Variants in NEMP2 observed in about 807,000 individuals in gnomAD.
NEMP2 encodes UPF0571 transmembrane protein.
Under a neutral mutation model 54.2 loss-of-function variants are expected in NEMP2, and 53 were observed. The observed-to-expected ratio is 0.98, with a 90% confidence interval of 0.78 to 1.23. NEMP2 has a LOEUF of 1.23. Among genes scored for constraint, NEMP2 ranks in the 50% most tolerant of loss-of-function variants. The pLI, the probability that NEMP2 is intolerant of heterozygous loss-of-function variation, is 0.00. For synonymous variants in NEMP2, 197 were observed against 190.3 expected (o/e 1.04, Z -0.29); for missense variants, 455 against 511.3 (o/e 0.89, Z 1.06).
At chr2:190,492,841 T>C in the NEMP2 span, among the ~76,000 whole-genome samples, 2 of 150,936 alleles carry the variant, frequency 1.3e-5, no homozygotes, top group East Asian at 3.9e-4. The surrounding 1 kb of genome is among the most constrained non-coding windows in gnomAD (Gnocchi z 5.2). Context: ...AATTTGCCAC[T>C]CACCACCAAG....
the NEMP2 span, among the ~76,000 whole-genome samples, chr2:190,456,047 TCTC>T: frequency 2.0e-5 from 3 of 147,102 alleles, no homozygotes; most frequent in African/African-American, 5.0e-5. This position sits in a 1 kb window ranked among gnomAD's most constrained non-coding sequence, Gnocchi z 5.4. Context: ...TTCAAGCAGT[TCTC>T]CTGTGTCAGC....
the NEMP2 span, among the ~76,000 whole-genome samples, chr2:190,443,576 T>A: frequency 2.0e-5 from 3 of 152,174 alleles, no homozygotes; most frequent in East Asian, 5.8e-4. This position sits in a 1 kb window ranked among gnomAD's most constrained non-coding sequence, Gnocchi z 4.2. Flanking sequence ...AGTCAAGATG[T>A]TTATGATTTT....
chr2:190,621,711 A>G, the NEMP2 span, among the ~76,000 whole-genome samples: 87 of 152,358 alleles, frequency 5.7e-4, no homozygotes, highest in African/African-American at 2.0e-3. Context: ...TATCAATGGA[A>G]TAGAATTGAG....
At chr2:190,491,514 G>A in the NEMP2 span, among the ~76,000 whole-genome samples, 3 of 152,172 alleles carry the variant, frequency 2.0e-5, no homozygotes, top group African/African-American at 7.2e-5. The surrounding 1 kb of genome is among the most constrained non-coding windows in gnomAD (Gnocchi z 4.2). Context: ...GTACCAGCCT[G>A]GAGCCTGGTA....
At chr2:190,612,783 A>C in the NEMP2 span, among the ~76,000 whole-genome samples, 3 of 152,148 alleles carry the variant, frequency 2.0e-5, no homozygotes, top group Non-Finnish European at 1.5e-5. Flanking sequence ...CTTACTTTAT[A>C]TCTCTCTTAT....
At chr2:190,591,085 C>CA in the NEMP2 span, among the ~76,000 whole-genome samples, 2 of 151,922 alleles carry the variant, frequency 1.3e-5, no homozygotes, top group South Asian at 4.2e-4. The surrounding 1 kb of genome is among the most constrained non-coding windows in gnomAD (Gnocchi z 5.4). Flanking sequence ...AACATTTTGA[C>CA]AAAAAAAGGA....
the NEMP2 span, among the ~76,000 whole-genome samples, chr2:190,459,364 T>G: frequency 6.6e-6 from 1 of 152,218 alleles, no homozygotes; most frequent in Non-Finnish European, 1.5e-5. The surrounding 1 kb of genome is among the most constrained non-coding windows in gnomAD (Gnocchi z 5.3). Flanking sequence ...GAGGCCTTTT[T>G]AAAATTAACG....
At position 190,529,469 on chromosome 2, in the gene NEMP2, A is replaced by G. The variant is rs913581021; in HGVS notation, c.98-4091T>C. Among the ~76,000 whole-genome samples, 28 of 152,152 alleles carry G rather than the reference A, an allele frequency of 1.8e-4. No individual in the cohort carries two copies. The highest frequency in any genetic ancestry group is 6.0e-4 in the African/African-American group (25 of 41,422). ...GAGCTCATCCCTTCCAATCACTGAT[A>G]TACTCTATCAAACACTCCCTTCTCA... On this transcript the variant is annotated intron_variant, in intron 1 of 8. Coordinates refer to ENST00000409150, the MANE Select transcript of NEMP2 (RefSeq NM_001142645.2). This position sits in a 1 kb window ranked among gnomAD's most constrained non-coding sequence, Gnocchi z 4.7.
chr2:190,436,653 C>A, the NEMP2 span: 1 of 1,614,180 alleles, frequency 6.2e-7, no homozygotes, highest in Non-Finnish European at 8.5e-7. This position sits in a 1 kb window ranked among gnomAD's most constrained non-coding sequence, Gnocchi z 5.3. Context: ...GGCTCAATGT[C>A]TCAGACACCG....
chr2:190,622,341 G>A, the NEMP2 span, among the ~76,000 whole-genome samples: 3 of 151,714 alleles, frequency 2.0e-5, no homozygotes, highest in Non-Finnish European at 4.4e-5. Context: ...CCAGGAGGCC[G>A]AGGTTGCAGT....
At chr2:190,560,205 G>A in the NEMP2 span, among the ~76,000 whole-genome samples, 2 of 152,184 alleles carry the variant, frequency 1.3e-5, no homozygotes, top group African/African-American at 2.4e-5. This position sits in a 1 kb window ranked among gnomAD's most constrained non-coding sequence, Gnocchi z 5.4. Flanking sequence ...GTAGGAGCCC[G>A]TGGGTGGGAG....
chr2:190,471,264 G>A, the NEMP2 span, among the ~76,000 whole-genome samples: 4 of 152,160 alleles, frequency 2.6e-5, no homozygotes, highest in South Asian at 2.1e-4. The surrounding 1 kb of genome is among the most constrained non-coding windows in gnomAD (Gnocchi z 4.7). Flanking sequence ...GGTGCAGCGC[G>A]GTGAGCGTGA....
the NEMP2 span, chr2:190,609,892 A>T: frequency 1.2e-4 from 18 of 152,302 alleles, no homozygotes; most frequent in East Asian, 1.5e-3. This position sits in a 1 kb window ranked among gnomAD's most constrained non-coding sequence, Gnocchi z 4.7. Flanking sequence ...CTAGAATAGT[A>T]TGCAACAGCA....
At position 190,525,388 on chromosome 2, in the gene NEMP2, G is replaced by T; in HGVS notation, c.98-10C>A. The stretch of plus-strand genomic sequence containing the variant: ...GCTTTACACCTACGAACTGAGAGAT[G>T]GAAAAGGGAATGCATTTTCTAACTG... On this transcript the variant is annotated splice_polypyrimidine_tract_variant and intron_variant, in intron 1 of 8. Transcript: ENST00000409150. This position sits in a 1 kb window ranked among gnomAD's most constrained non-coding sequence, Gnocchi z 5.0. 6.9e-7 allele frequency: 1 copy of T among 1,449,552 alleles called. No homozygotes were observed. Among genetic ancestry groups the T allele is most frequent in the Non-Finnish European group, 9.4e-7 (1 of 1,061,558 alleles). 89.8% of individuals were successfully genotyped at this position (1,449,552 alleles called of 1,614,324 possible).
At position 190,507,245 on chromosome 2, in the gene NEMP2, GTTC is replaced by G. The variant is rs778539892; in HGVS notation, c.*1941_*1943del. 8 of 152,262 alleles carry G rather than the reference GTTC, an allele frequency of 5.3e-5. No homozygotes were observed. Among genetic ancestry groups the G allele is most frequent in the South Asian group, 2.1e-4 (1 of 4,822 alleles). The allele number at this position is 152,262 out of a possible 1,614,324, so 9.4% of individuals were successfully genotyped here. On this transcript the variant is annotated 3_prime_UTR_variant, in exon 9 of 9. Transcript: ENST00000409150. The surrounding 1 kb of genome is among the most constrained non-coding windows in gnomAD (Gnocchi z 4.4). ...AACAATATCCTCAAGGACTGCTGTTGTTCTTCTCTCTTTGGCTGTTTTTACTGT... is the reference window on the plus strand; with the variant it reads ...AACAATATCCTCAAGGACTGCTGTTGTTCTCTCTTTGGCTGTTTTTACTGT...
At chr2:190,580,031 T>C in the NEMP2 span, among the ~76,000 whole-genome samples, 1 of 152,280 alleles carries the variant, frequency 6.6e-6, no homozygotes, top group Middle Eastern at 3.4e-3. This position sits in a 1 kb window ranked among gnomAD's most constrained non-coding sequence, Gnocchi z 5.3. Flanking sequence ...AGTGTTCTCA[T>C]TCAGTCTAAT....
At chr2:190,596,538 G>A in the NEMP2 span, among the ~76,000 whole-genome samples, 1 of 152,178 alleles carries the variant, frequency 6.6e-6, no homozygotes, top group Non-Finnish European at 1.5e-5. The surrounding 1 kb of genome is among the most constrained non-coding windows in gnomAD (Gnocchi z 5.1). Flanking sequence ...CAGAGCAGGG[G>A]AAAATGAATT....
the NEMP2 span, among the ~76,000 whole-genome samples, chr2:190,591,658 CAT>C: frequency 6.6e-5 from 10 of 152,188 alleles, no homozygotes; most frequent in African/African-American, 2.4e-4. This position sits in a 1 kb window ranked among gnomAD's most constrained non-coding sequence, Gnocchi z 5.4. Flanking sequence ...CAGTTTTTCA[CAT>C]GTCTTCACAC....
the NEMP2 span, among the ~76,000 whole-genome samples, chr2:190,496,609 G>A: frequency 6.6e-6 from 1 of 152,162 alleles, no homozygotes; most frequent in South Asian, 2.1e-4. The surrounding 1 kb of genome is among the most constrained non-coding windows in gnomAD (Gnocchi z 4.7). Flanking sequence ...TAAAGAAACT[G>A]TAGTGTGTGT....
Sources: allele counts gnomAD v4.1 joint callset (sites outside exome capture counted in the v4.1 genomes callset), GRCh38; gene constraint gnomAD v4.1.1; non-coding constraint Gnocchi (gnomAD v3.1); transcripts MANE v1.5; gene names NCBI Gene and HGNC (gene_info 2026-07-23, HGNC 2026-07-21).